COMMD10: variants seen among roughly 807,000 people sequenced by gnomAD.
COMMD10 encodes COMM domain-containing protein 10.
Under a neutral mutation model 28.9 loss-of-function variants are expected in COMMD10, and 33 were observed. That is an observed-to-expected ratio of 1.14 (90% CI 0.87 to 1.53). The LOEUF is 1.53. Among genes scored for constraint, COMMD10 ranks in the 40% most tolerant of loss-of-function variants. The pLI is 0.00. For missense variants in COMMD10, 310 were observed against 233.4 expected (o/e 1.33, Z -2.14); for synonymous variants, 110 against 81.7 (o/e 1.35, Z -1.87).
At chr5:116,090,922 A>G (rs1245907246) in intron 2 of COMMD10, among the ~76,000 whole-genome samples, 157 bp from the exon 3 acceptor site, 2 of 152,246 alleles carry the variant, frequency 1.3e-5, no homozygotes, top group Admixed American at 6.5e-5. Context: ...AATGAGCATC[A>G]TATGTTTTAT....
intron 5 of COMMD10, among the ~76,000 whole-genome samples, chr5:116,181,328 GTTTA>G (rs921335969): frequency 2.0e-5 from 3 of 146,606 alleles, no homozygotes; most frequent in African/African-American, 7.8e-5. Flanking sequence ...TGGGGTGTTT[GTTTA>G]TCAGTGTTCT....
rs147005521 is a variant in COMMD10 at position 116,179,664 on chromosome 5, G to A, written c.510+45486G>A. On this transcript the variant is annotated intron_variant, in intron 5 of 6. Coordinates refer to ENST00000274458, the MANE Select transcript of COMMD10 (RefSeq NM_016144.4). ...TCAGTTAGTAACCTGGGCCTGGATT[G>A]AAGCAGTCCTTGCAAACCAGGTAGT... 7.1e-3 allele frequency among the ~76,000 whole-genome samples: 1,083 copies of A among 152,256 alleles called. 16 individuals are homozygous for A. The highest frequency in any genetic ancestry group is 0.025 in the African/African-American group (1,038 of 41,544).
chr5:116,247,742 T>C (rs809188), intron 5 of COMMD10, among the ~76,000 whole-genome samples: 75,482 of 151,838 alleles, frequency 0.5, 21,780 homozygotes, highest in Non-Finnish European at 0.65. Flanking sequence ...TTCTCCCTTA[T>C]AAGTGGGAGC....
chr5:116,147,186 G>T (rs74470270), intron 5 of COMMD10, among the ~76,000 whole-genome samples: 2,415 of 130,574 alleles, frequency 0.018, 65 homozygotes, highest in African/African-American at 0.082. Context: ...ACAGCTGTTC[G>T]GTTAGTGCAC....
intron 5 of COMMD10, among the ~76,000 whole-genome samples, chr5:116,197,671 C>T (rs961519656): frequency 2.6e-5 from 4 of 152,110 alleles, no homozygotes; most frequent in Non-Finnish European, 4.4e-5. Context: ...TGTGAGCCAC[C>T]GTGCCTGGCC....
At chr5:116,145,070 G>T (rs1455704042) in intron 5 of COMMD10, among the ~76,000 whole-genome samples, 1 of 151,828 alleles carries the variant, frequency 6.6e-6, no homozygotes, top group Non-Finnish European at 1.5e-5. Context: ...TGGTTTTGAT[G>T]GTGGAAAGAG....
intron 5 of COMMD10, among the ~76,000 whole-genome samples, chr5:116,213,638 A>T (rs990162380): frequency 2.0e-5 from 3 of 152,154 alleles, no homozygotes; most frequent in African/African-American, 7.2e-5. Flanking sequence ...AGTCTTTTAC[A>T]TTGAGTTACC....
intron 5 of COMMD10, among the ~76,000 whole-genome samples, chr5:116,237,263 T>C (rs1389481137): frequency 6.6e-6 from 1 of 152,080 alleles, no homozygotes; most frequent in African/African-American, 2.4e-5. Context: ...TAAATTGAAA[T>C]GGGCTGCGTC....
At chr5:116,126,471 A>G (rs1161352371) in intron 4 of COMMD10, among the ~76,000 whole-genome samples, 4 of 152,122 alleles carry the variant, frequency 2.6e-5, no homozygotes, top group Admixed American at 6.5e-5. Flanking sequence ...TGCCAAGTCA[A>G]TCCTAAGCAA....
At chr5:116,089,545 A>C (rs973738860) in intron 2 of COMMD10, among the ~76,000 whole-genome samples, 2 of 152,212 alleles carry the variant, frequency 1.3e-5, no homozygotes, top group Non-Finnish European at 2.9e-5. Flanking sequence ...GAGAACTTGC[A>C]CAGAAAATTG....
At chr5:116,263,826 T>C (rs955776916) in intron 5 of COMMD10, among the ~76,000 whole-genome samples, 4 of 151,766 alleles carry the variant, frequency 2.6e-5, no homozygotes, top group African/African-American at 7.3e-5. Flanking sequence ...TTGATTGATA[T>C]CTCATGCCTC....
intron 5 of COMMD10, among the ~76,000 whole-genome samples, chr5:116,195,133 C>T (rs915493763): frequency 6.6e-6 from 1 of 152,076 alleles, no homozygotes; most frequent in Admixed American, 6.5e-5. Context: ...GATTAAAACT[C>T]TCAACAAAAT....
intron 5 of COMMD10, among the ~76,000 whole-genome samples, chr5:116,228,142 AATT>A (rs916089089): frequency 6.6e-6 from 1 of 151,972 alleles, no homozygotes; most frequent in Non-Finnish European, 1.5e-5. Context: ...GCTTTCTTTA[AATT>A]AGAAAAAATA....
At chr5:116,235,819 A>G (rs1235322549) in intron 5 of COMMD10, among the ~76,000 whole-genome samples, 2 of 152,120 alleles carry the variant, frequency 1.3e-5, no homozygotes, top group African/African-American at 2.4e-5. Context: ...ACTTCAAGAG[A>G]ATATATTTGG....
chr5:116,118,755 A>C (rs535398422), intron 4 of COMMD10, among the ~76,000 whole-genome samples: 1 of 42,134 alleles, frequency 2.4e-5, no homozygotes, highest in Non-Finnish European at 1.2e-4. Context: ...TTCTCCAGGA[A>C]AAAAAAAAAG....
At chr5:116,265,733 A>G (rs1399269667) in intron 5 of COMMD10, among the ~76,000 whole-genome samples, 1 of 151,774 alleles carries the variant, frequency 6.6e-6, no homozygotes, top group Non-Finnish European at 1.5e-5. Flanking sequence ...TTGTTATGCC[A>G]TATTACAAAT....
At chr5:116,093,869 C>T (rs1332950172) in intron 4 of COMMD10, among the ~76,000 whole-genome samples, 1 of 152,070 alleles carries the variant, frequency 6.6e-6, no homozygotes, top group African/African-American at 2.4e-5. Flanking sequence ...AGAAGTAAAC[C>T]CATGTATTTA....
chr5:116,185,536 G>A (rs1156871153), intron 5 of COMMD10, among the ~76,000 whole-genome samples: 1 of 151,870 alleles, frequency 6.6e-6, no homozygotes, highest in African/African-American at 2.4e-5. Context: ...TTTAAAGTTT[G>A]TGGGAATGGG....
chr5:116,186,068 C>A (rs749776146), intron 5 of COMMD10, among the ~76,000 whole-genome samples: 5 of 152,066 alleles, frequency 3.3e-5, no homozygotes, highest in Non-Finnish European at 7.4e-5. Flanking sequence ...ATTTTTCTTT[C>A]CTCCATCTTC....
Sources: allele counts gnomAD v4.1 joint callset (sites outside exome capture counted in the v4.1 genomes callset), GRCh38; gene constraint gnomAD v4.1.1; transcripts MANE v1.5; gene names NCBI Gene and HGNC (gene_info 2026-07-23, HGNC 2026-07-21).